Variants in L3MBTL4 observed in about 807,000 individuals in gnomAD.
L3MBTL4 encodes the protein L3MBTL histone methyl-lysine binding protein 4.
A neutral mutation model predicts 84.5 loss-of-function variants in L3MBTL4; 70 were observed. That is an observed-to-expected ratio of 0.83 (90% CI 0.68 to 1.01). The LOEUF is 1.01. L3MBTL4 is among the 50% of genes least tolerant of loss of function. L3MBTL4 has a pLI of 0.00. For missense variants in L3MBTL4, 715 were observed against 754.8 expected (o/e 0.95, Z 0.62); for synonymous variants, 274 against 259.8 (o/e 1.05, Z -0.52).
intron 13 of L3MBTL4, among the ~76,000 whole-genome samples, chr18:6,164,581 G>C (rs545054173): frequency 6.6e-6 from 1 of 152,180 alleles, no homozygotes; most frequent in African/African-American, 2.4e-5. Context: ...GTCTGGAGTG[G>C]ACCTCCAACA....
chr18:6,356,467 A>C (rs1003488600), intron 1 of L3MBTL4, among the ~76,000 whole-genome samples: 1 of 152,240 alleles, frequency 6.6e-6, no homozygotes, highest in Non-Finnish European at 1.5e-5. Flanking sequence ...TTGTTCTAAG[A>C]AATGCGTTAT....
chr18:5,990,358 C>A (rs1013136163), intron 16 of L3MBTL4, among the ~76,000 whole-genome samples: 1 of 152,144 alleles, frequency 6.6e-6, no homozygotes, highest in Non-Finnish European at 1.5e-5. Context: ...TGTCTCCTTA[C>A]AAAATAAATC....
chr18:6,042,839 C>T (rs1287122146), intron 16 of L3MBTL4, among the ~76,000 whole-genome samples: 6 of 152,190 alleles, frequency 3.9e-5, no homozygotes, highest in East Asian at 3.9e-4. Context: ...TAATCTCCCG[C>T]TCAAACCTCA....
chr18:6,167,203 A>G (rs1259516328), intron 13 of L3MBTL4, among the ~76,000 whole-genome samples: 1 of 152,206 alleles, frequency 6.6e-6, no homozygotes, highest in Non-Finnish European at 1.5e-5. Flanking sequence ...CCAACCAAAA[A>G]GAGTCCAGGA....
rs2059580489 is a variant in L3MBTL4, at chr18:6,123,147, T to C, written c.1199+15047A>G. Among the ~76,000 whole-genome samples the C allele has an allele frequency of 3.3e-5, 5 of 152,360 alleles. No individual in the cohort carries two copies. In the South Asian group the frequency reaches 1.0e-3, roughly 32 times the overall value. ...GCTGCTAGCAATAGTTTTGCAATTA[T>C]GGGCCTTACATTTGGAATATAGATC... is the stretch of plus-strand genomic sequence containing the variant. On this transcript the variant is annotated intron_variant, in intron 14 of 18. Coordinates refer to ENST00000317931, the MANE Select transcript of L3MBTL4 (RefSeq NM_001330559.2).
chr18:6,333,055 A>T (rs564579867), intron 1 of L3MBTL4, among the ~76,000 whole-genome samples: 7 of 152,296 alleles, frequency 4.6e-5, no homozygotes, highest in African/African-American at 1.7e-4. Flanking sequence ...AACTACCTTA[A>T]AAGACCTCAA....
chr18:6,190,000 A>G (rs531097567), intron 12 of L3MBTL4, among the ~76,000 whole-genome samples: 2 of 152,328 alleles, frequency 1.3e-5, no homozygotes, highest in African/African-American at 4.8e-5. Flanking sequence ...CAAAATGTGT[A>G]ATGAATATCA....
At chr18:6,291,339 T>C (rs1331119591) in intron 4 of L3MBTL4, among the ~76,000 whole-genome samples, 1 of 152,094 alleles carries the variant, frequency 6.6e-6, no homozygotes, top group Non-Finnish European at 1.5e-5. Context: ...AGAGTTGTCA[T>C]TGTTCGCTTT....
intron 14 of L3MBTL4, among the ~76,000 whole-genome samples, chr18:6,118,101 GC>G (rs1668500066): frequency 6.6e-6 from 1 of 151,594 alleles, no homozygotes; most frequent in Non-Finnish European, 1.5e-5. Flanking sequence ...CCCATCTGTG[GC>G]CTCTTCCCCA....
At chr18:6,129,651 C>T (rs1217159169) in intron 14 of L3MBTL4, among the ~76,000 whole-genome samples, 1 of 152,048 alleles carries the variant, frequency 6.6e-6, no homozygotes, top group African/African-American at 2.4e-5. Flanking sequence ...CTCCTCTGAT[C>T]CCATGATTGC....
chr18:6,219,936 C>T (rs2046480506), intron 10 of L3MBTL4, among the ~76,000 whole-genome samples: 2 of 152,046 alleles, frequency 1.3e-5, no homozygotes, highest in Non-Finnish European at 2.9e-5. Context: ...CATGGCGGCA[C>T]ACACCTGTAG....
chr18:6,242,858 A>AT (rs1470769551), intron 7 of L3MBTL4, among the ~76,000 whole-genome samples: 1 of 152,176 alleles, frequency 6.6e-6, no homozygotes, highest in Non-Finnish European at 1.5e-5. Flanking sequence ...GAAAATAGTG[A>AT]TTTTTTTCAT....
intron 4 of L3MBTL4, among the ~76,000 whole-genome samples, chr18:6,295,346 C>CTCTCTCTCTCTATATATATATATATA (rs1261475809): frequency 9.8e-5 from 8 of 81,384 alleles, no homozygotes; most frequent in African/African-American, 5.3e-4. Context: ...CTCTCTCTCT[C>CTCTCTCTCTCTATATATATATATATA]TATATATATA....
At chr18:5,979,305 T>G (rs1332312592) in intron 16 of L3MBTL4, among the ~76,000 whole-genome samples, 1 of 152,138 alleles carries the variant, frequency 6.6e-6, no homozygotes, top group Admixed American at 6.5e-5. Context: ...AGGTCCAGTG[T>G]GTCTCCAAGG....
At chr18:6,306,978 A>G (rs1408186366) in intron 3 of L3MBTL4, among the ~76,000 whole-genome samples, 2 of 152,114 alleles carry the variant, frequency 1.3e-5, no homozygotes, top group African/African-American at 4.8e-5. Flanking sequence ...CTCGAATCAG[A>G]TAAGTCATTA....
intron 13 of L3MBTL4, among the ~76,000 whole-genome samples, chr18:6,153,345 G>A (rs886453895): frequency 3.3e-5 from 5 of 152,038 alleles, no homozygotes; most frequent in Non-Finnish European, 5.9e-5. Context: ...TCCAGTCCAC[G>A]AATATGGGAT....
chr18:5,989,611 G>A (rs373845928), intron 16 of L3MBTL4, among the ~76,000 whole-genome samples: 23 of 152,252 alleles, frequency 1.5e-4, no homozygotes, highest in African/African-American at 5.3e-4. Flanking sequence ...GACCCTCTGT[G>A]GGCCTTAAAG....
At chr18:6,011,664 C>A (rs1282740199) in intron 16 of L3MBTL4, among the ~76,000 whole-genome samples, 1 of 152,206 alleles carries the variant, frequency 6.6e-6, no homozygotes, top group African/African-American at 2.4e-5. Flanking sequence ...TCATACCCTT[C>A]GGTGCCTCTC....
chr18:6,221,840 C>T (rs1467073298), intron 10 of L3MBTL4, among the ~76,000 whole-genome samples: 1 of 152,180 alleles, frequency 6.6e-6, no homozygotes, highest in Admixed American at 6.5e-5. Context: ...ATCCAAATAT[C>T]CGGGCCTCCA....
Sources: allele counts gnomAD v4.1 joint callset (sites outside exome capture counted in the v4.1 genomes callset), GRCh38; gene constraint gnomAD v4.1.1; transcripts MANE v1.5; gene names NCBI Gene and HGNC (gene_info 2026-07-23, HGNC 2026-07-21).